The following FHIT variants were observed in gnomAD, a reference collection of about 807,000 sequenced individuals.
FHIT encodes bis(5'-adenosyl)-triphosphatase.
FHIT carries 19 observed loss-of-function variants against 17.9 expected under a neutral mutation model. The ratio of observed to expected loss-of-function variants is 1.06; its 90% CI spans 0.74 to 1.56. The LOEUF is 1.56. Ranked by LOEUF, FHIT falls within the 40% of genes most tolerant of loss-of-function variation. The pLI, the probability that FHIT is intolerant of heterozygous loss-of-function variation, is 0.00. For synonymous variants in FHIT, 81 were observed against 69.7 expected, an observed-to-expected ratio of 1.16 and a Z score of -0.81; for missense variants, 248 against 189.2, an observed-to-expected ratio of 1.31 and a Z score of -1.82.
intron 5 of FHIT, among the ~76,000 whole-genome samples, chr3:60,155,728 A>T (rs892153436): frequency 1.3e-5 from 2 of 152,170 alleles, no homozygotes; most frequent in African/African-American, 4.8e-5. Context: ...AAAGAATACC[A>T]CGTTGACTCC....
intron 5 of FHIT, among the ~76,000 whole-genome samples, chr3:60,132,574 C>A (rs1431585521): frequency 6.6e-6 from 1 of 152,094 alleles, no homozygotes; most frequent in Non-Finnish European, 1.5e-5. Context: ...TTGGAAGATA[C>A]TTTTAGAATT....
chr3:60,769,563 GC>G (rs1206995020), intron 4 of FHIT, among the ~76,000 whole-genome samples: 1 of 152,204 alleles, frequency 6.6e-6, no homozygotes, highest in Non-Finnish European at 1.5e-5. Flanking sequence ...CAGAATCACA[GC>G]AGATTCACAG....
rs575888294 is a variant in FHIT at position 60,873,245 on chromosome 3, C to A, written c.-110-51234G>T. Among the ~76,000 whole-genome samples, 11 of 152,170 alleles carry A rather than the reference C, an allele frequency of 7.2e-5. No homozygotes were observed. In the South Asian group the frequency reaches 2.3e-3, roughly 32 times the overall value. On this transcript the variant is annotated intron_variant, in intron 3 of 9. Transcript: ENST00000492590. ...ATGAAAGCAAAAGGATACAACTTTTCCCTCCAGATGATTTTACTGGGAGGA... is the reference window on the plus strand; with the variant it reads ...ATGAAAGCAAAAGGATACAACTTTTACCTCCAGATGATTTTACTGGGAGGA...
chr3:60,296,384 A>G (rs993139800), intron 5 of FHIT, among the ~76,000 whole-genome samples: 15 of 152,222 alleles, frequency 9.9e-5, no homozygotes, highest in Non-Finnish European at 1.9e-4. Flanking sequence ...ATGTGCAGCG[A>G]TATCTCAACG....
chr3:60,237,467 C>A lies in FHIT; in HGVS notation c.104-223315G>T, dbSNP rs145842685. On this transcript the variant is annotated intron_variant, in intron 5 of 9. Transcript: ENST00000492590. Reference sequence around the variant, plus strand: ...CCAGTAACATAAACAGGGATCCACACTGAATTCACGTTTAATTATCAGAAG... The same window carrying A: ...CCAGTAACATAAACAGGGATCCACAATGAATTCACGTTTAATTATCAGAAG... Among the ~76,000 whole-genome samples, 15 of 152,218 alleles carry A rather than the reference C, an allele frequency of 9.9e-5. No homozygotes were observed. The East Asian group carries it at 1.4e-3, about 14-fold the overall frequency.
chr3:61,084,425 G>A (rs2106788250), intron 2 of FHIT, among the ~76,000 whole-genome samples: 1 of 152,238 alleles, frequency 6.6e-6, no homozygotes, highest in African/African-American at 2.4e-5. Flanking sequence ...TTTGCATAAT[G>A]GTGTTTTGAT....
intron 5 of FHIT, among the ~76,000 whole-genome samples, chr3:60,411,663 A>C (rs1702065655): frequency 6.6e-6 from 1 of 152,168 alleles, no homozygotes; most frequent in Non-Finnish European, 1.5e-5. Flanking sequence ...GCAGGGTAAA[A>C]ACTTAAAATT....
At chr3:60,180,934 A>C (rs1459769583) in intron 5 of FHIT, among the ~76,000 whole-genome samples, 1 of 152,102 alleles carries the variant, frequency 6.6e-6, no homozygotes, top group Non-Finnish European at 1.5e-5. Flanking sequence ...GTAAGCATTT[A>C]CTTATATTTG....
rs182269868 is a variant in FHIT at position 60,202,189 on chromosome 3, T to C, written c.104-188037A>G. On this transcript the variant is annotated intron_variant, in intron 5 of 9. Coordinates refer to ENST00000492590, the MANE Select transcript of FHIT (RefSeq NM_002012.4). The stretch of plus-strand genomic sequence containing the variant: ...AAGACTTCGTCACTAATTATCATTG[T>C]GCCTTTAAAGCATATCACTTCACTT... Among the ~76,000 whole-genome samples the C allele has an allele frequency of 1.1e-4, 16 of 152,354 alleles. No individual in the cohort carries two copies. In the East Asian group the frequency reaches 2.9e-3, roughly 28 times the overall value.
chr3:60,920,257 G>A (rs1391856423), intron 3 of FHIT, among the ~76,000 whole-genome samples: 5 of 152,132 alleles, frequency 3.3e-5, no homozygotes, highest in African/African-American at 1.2e-4. Flanking sequence ...GGAAAATGGG[G>A]GAGGGTCATG....
chr3:60,761,618 C>CTTT (rs71629113), intron 4 of FHIT, among the ~76,000 whole-genome samples: 2 of 128,704 alleles, frequency 1.6e-5, no homozygotes, highest in Non-Finnish European at 3.3e-5. Context: ...TCTTCCATGT[C>CTTT]TTTTTTTTTT....
At chr3:59,929,997 T>C (rs1186603268) in intron 7 of FHIT, among the ~76,000 whole-genome samples, 1 of 151,970 alleles carries the variant, frequency 6.6e-6, no homozygotes, top group Non-Finnish European at 1.5e-5. Context: ...GAGGCCAATA[T>C]AGGATGTGTG....
intron 2 of FHIT, among the ~76,000 whole-genome samples, chr3:61,076,232 T>C (rs2106758372): frequency 6.6e-6 from 1 of 152,292 alleles, no homozygotes; most frequent in East Asian, 1.9e-4. Flanking sequence ...GGGAGACCCT[T>C]AAACCCTTTT....
At chr3:61,089,144 A>G (rs2035397842) in intron 2 of FHIT, among the ~76,000 whole-genome samples, 1 of 152,196 alleles carries the variant, frequency 6.6e-6, no homozygotes, top group Non-Finnish European at 1.5e-5. Flanking sequence ...GAAAACTGGC[A>G]TAGGGCATCC....
chr3:61,199,383 T>C (rs1468592843), intron 2 of FHIT, among the ~76,000 whole-genome samples: 1 of 152,170 alleles, frequency 6.6e-6, no homozygotes, highest in Non-Finnish European at 1.5e-5. Flanking sequence ...GGCTCAATGG[T>C]CCAGAGACAT....
At chr3:59,835,919 TAA>T (rs1701323681) in intron 8 of FHIT, among the ~76,000 whole-genome samples, 2 of 151,792 alleles carry the variant, frequency 1.3e-5, no homozygotes, top group Admixed American at 1.3e-4. Flanking sequence ...CCTAGTCGCT[TAA>T]GAGTAAATCA....
chr3:61,062,299 G>C (rs2034456536), intron 2 of FHIT, among the ~76,000 whole-genome samples: 1 of 152,014 alleles, frequency 6.6e-6, no homozygotes, highest in South Asian at 2.1e-4. Flanking sequence ...AAAAAATGAG[G>C]TTATAATGAG....
chr3:60,402,802 T>A (rs1701713739), intron 5 of FHIT, among the ~76,000 whole-genome samples: 1 of 152,168 alleles, frequency 6.6e-6, no homozygotes, highest in African/African-American at 2.4e-5. Flanking sequence ...CACTGTATAG[T>A]CATTGCTTCA....
chr3:60,702,101 C>T (rs2041261796), intron 4 of FHIT, among the ~76,000 whole-genome samples: 1 of 152,178 alleles, frequency 6.6e-6, no homozygotes, highest in Non-Finnish European at 1.5e-5. Flanking sequence ...GGGGCTCAAG[C>T]ACTCTGCCCA....
Sources: gnomAD v4.1 joint callset for allele counts (sites outside exome capture counted in the v4.1 genomes callset) on GRCh38, gnomAD v4.1.1 for gene constraint, MANE v1.5 for transcripts, NCBI Gene and HGNC (gene_info 2026-07-23, HGNC 2026-07-21) for gene names.